The following PRKG2 variants were observed in gnomAD, a reference collection of about 807,000 sequenced individuals.
The protein encoded by PRKG2 is protein kinase cGMP-dependent 2.
PRKG2 carries 33 observed loss-of-function variants against 97.2 expected under a neutral mutation model. That is an observed-to-expected ratio of 0.34 (90% CI 0.26 to 0.45). The LOEUF (loss-of-function observed/expected upper bound fraction) is 0.45. Among genes scored for constraint, PRKG2 ranks in the 20% least tolerant of loss-of-function variants. PRKG2 has a pLI of 1.00. For missense variants in PRKG2, 638 were observed against 900.0 expected, an observed-to-expected ratio of 0.71 and a Z score of 3.73; for synonymous variants, 330 against 321.8, an observed-to-expected ratio of 1.03 and a Z score of -0.27.
chr4:81,191,731 G>A (rs574721900), intron 2 of PRKG2, among the ~76,000 whole-genome samples: 35 of 152,070 alleles, frequency 2.3e-4, no homozygotes, highest in African/African-American at 7.2e-4. Context: ...TATACACATC[G>A]AAAAGGGCTC....
intron 14 of PRKG2, among the ~76,000 whole-genome samples, chr4:81,123,676 T>C (rs560105880): frequency 6.6e-6 from 1 of 152,356 alleles, no homozygotes; most frequent in South Asian, 2.1e-4. Context: ...ACTGCTGGGA[T>C]TACAGGCTTG....
At chr4:81,130,292 C>T (rs1359995813) in intron 14 of PRKG2, among the ~76,000 whole-genome samples, 1 of 152,140 alleles carries the variant, frequency 6.6e-6, no homozygotes, top group Non-Finnish European at 1.5e-5. Context: ...ACTCCAGACC[C>T]CGTATGCCTT....
Position 81,110,502 on chromosome 4 carries a change from A to G in PRKG2, c.1886T>C (p.Phe629Ser). ...PEVILNKGHD[F>S]SVDFWSLGIL... The stretch of plus-strand genomic sequence containing the variant: ...TCCCAGTGACCAGAAATCCACACTG[A>G]AGTCATGTCCCTTGTTGAGAATGAC... Residue 629 changes from phenylalanine (F) to serine (S), a missense_variant, in exon 15 of 19, where the codon TTC becomes TCC. Phe to Ser is a radical substitution (Grantham distance 155). Around this residue, in one of 3 missense-constraint regions of PRKG2, gnomAD observed 304 missense variants for 460.5 expected, o/e 0.66. Coordinates refer to ENST00000264399, the MANE Select transcript of PRKG2 (RefSeq NM_006259.3). The G allele has an allele frequency of 6.2e-7, 1 of 1,614,002 alleles. No individual in the cohort carries two copies. The highest frequency in any genetic ancestry group is 2.2e-5 in the East Asian group (1 of 44,858).
intron 6 of PRKG2, among the ~76,000 whole-genome samples, chr4:81,161,520 A>C (rs1433924895): frequency 2.0e-5 from 3 of 152,156 alleles, no homozygotes; most frequent in Non-Finnish European, 4.4e-5. Flanking sequence ...TCAAGGTATC[A>C]ATAGGGCTTA....
intron 7 of PRKG2, chr4:81,153,325 A>T (rs1262330687): frequency 5.1e-6 from 1 of 197,650 alleles, no homozygotes; most frequent in Non-Finnish European, 1.0e-5. Flanking sequence ...GAATCTGGGG[A>T]TGATTGAGAA....
intron 2 of PRKG2, among the ~76,000 whole-genome samples, chr4:81,186,474 T>G (rs550989047): frequency 7.2e-5 from 11 of 152,288 alleles, no homozygotes; most frequent in African/African-American, 2.6e-4. Flanking sequence ...GCTAAAGCAG[T>G]GTTTAGAGGG....
intron 1 of PRKG2, among the ~76,000 whole-genome samples, chr4:81,207,846 T>C (rs1480584106): frequency 6.6e-6 from 1 of 152,188 alleles, no homozygotes; most frequent in East Asian, 1.9e-4. Context: ...AATATTGCTG[T>C]CCCTGAAGCC....
intron 1 of PRKG2, among the ~76,000 whole-genome samples, chr4:81,206,244 G>A (rs1753641012): frequency 6.6e-6 from 1 of 152,132 alleles, no homozygotes; most frequent in South Asian, 2.1e-4. Flanking sequence ...TGCACATGCA[G>A]TTTTTGACAG....
At chr4:81,169,642 C>G in intron 5 of PRKG2, 21 bp downstream of exon 5, 2 of 1,509,078 alleles carry the variant, frequency 1.3e-6, no homozygotes, top group Non-Finnish European at 1.8e-6. Flanking sequence ...TCTTCACTGT[C>G]TCCCAATGTA....
intron 8 of PRKG2, among the ~76,000 whole-genome samples, chr4:81,150,486 A>G (rs1206570969): frequency 1.3e-5 from 2 of 152,170 alleles, no homozygotes; most frequent in Non-Finnish European, 2.9e-5. Context: ...GCACAAAAAT[A>G]TAAAAATATT....
chr4:81,202,853 G>A (rs1477440353), intron 2 of PRKG2, among the ~76,000 whole-genome samples: 2 of 151,978 alleles, frequency 1.3e-5, no homozygotes, highest in Non-Finnish European at 2.9e-5. Flanking sequence ...ATGAGCATAA[G>A]TCTTTGAACA....
chr4:81,131,363 T>C lies in PRKG2; in HGVS notation c.1776+3792A>G, dbSNP rs561886869. Reference sequence around the variant, plus strand: ...CTCAGTTAGAAATGCAGAAATCACCTGCCTTCTGCATTGATCTCGCTGTGA... The same window carrying C: ...CTCAGTTAGAAATGCAGAAATCACCCGCCTTCTGCATTGATCTCGCTGTGA... On this transcript the variant is annotated intron_variant, in intron 14 of 18. Transcript: ENST00000264399. Among the ~76,000 whole-genome samples the C allele has an allele frequency of 1.1e-4, 16 of 152,342 alleles. No individual in the cohort carries two copies. In the East Asian group the frequency reaches 2.9e-3, roughly 28 times the overall value.
intron 2 of PRKG2, among the ~76,000 whole-genome samples, chr4:81,197,957 G>A (rs1032274968): frequency 6.6e-6 from 1 of 152,206 alleles, no homozygotes; most frequent in Non-Finnish European, 1.5e-5. Context: ...GCCAAGGCTA[G>A]GTACTGGGTC....
intron 9 of PRKG2, among the ~76,000 whole-genome samples, chr4:81,147,191 G>C (rs917192050): frequency 4.6e-5 from 7 of 152,086 alleles, no homozygotes; most frequent in African/African-American, 1.7e-4. Flanking sequence ...GAATACATGA[G>C]ACATTGTATA....
At chr4:81,126,193 CA>C (rs1233330905) in intron 14 of PRKG2, among the ~76,000 whole-genome samples, 1 of 152,164 alleles carries the variant, frequency 6.6e-6, no homozygotes, top group African/African-American at 2.4e-5. Flanking sequence ...CATGTCCCTG[CA>C]AAAGACATGA....
intron 6 of PRKG2, among the ~76,000 whole-genome samples, chr4:81,155,072 G>A (rs1259183465): frequency 1.3e-5 from 2 of 149,338 alleles, no homozygotes; most frequent in African/African-American, 5.0e-5. Context: ...CAGCTACTTG[G>A]GAGGCTGAGG....
intron 14 of PRKG2, among the ~76,000 whole-genome samples, chr4:81,115,544 T>G (rs1744430692): frequency 6.6e-6 from 1 of 152,198 alleles, no homozygotes; most frequent in Non-Finnish European, 1.5e-5. Context: ...AATTTGTAGC[T>G]GAGGAGTGAT....
intron 2 of PRKG2, among the ~76,000 whole-genome samples, chr4:81,180,945 C>T (rs1751353391): frequency 6.6e-6 from 1 of 150,930 alleles, no homozygotes; most frequent in Admixed American, 6.6e-5. Context: ...ATTAACTCAT[C>T]ATTTAGCATT....
chr4:81,178,985 C>G (rs538808966), intron 2 of PRKG2, among the ~76,000 whole-genome samples: 2 of 151,600 alleles, frequency 1.3e-5, no homozygotes, highest in African/African-American at 2.4e-5. Context: ...AATAGCTGGT[C>G]GTGGTGGCAG....
Sources: gnomAD v4.1 joint callset for allele counts (sites outside exome capture counted in the v4.1 genomes callset) on GRCh38, gnomAD v4.1.1 for gene constraint, gnomAD v4.1.1 regional missense constraint, MANE v1.5 for transcripts, NCBI Gene and HGNC (gene_info 2026-07-23, HGNC 2026-07-21) for gene names.